Variants in HPSE2 observed in about 807,000 individuals in gnomAD.
The protein encoded by HPSE2 is inactive heparanase-2.
HPSE2 carries 38 observed loss-of-function variants against 60.5 expected under a neutral mutation model. The ratio of observed to expected loss-of-function variants is 0.63; its 90% CI spans 0.48 to 0.82. The LOEUF is 0.82. Among genes scored for constraint, HPSE2 ranks in the 40% least tolerant of loss-of-function variants. The pLI is 0.00. For missense variants in HPSE2, 713 were observed against 740.4 expected (o/e 0.96, Z 0.43); for synonymous variants, 295 against 293.2 (o/e 1.01, Z -0.06).
intron 3 of HPSE2, among the ~76,000 whole-genome samples, chr10:99,020,751 C>T (rs1957243991): frequency 6.6e-6 from 1 of 152,122 alleles, no homozygotes; most frequent in Admixed American, 6.6e-5. Context: ...TCCACCTAGC[C>T]TTTCATGATC....
intron 7 of HPSE2, among the ~76,000 whole-genome samples, chr10:98,633,965 A>C (rs758419000): frequency 6.6e-6 from 1 of 152,204 alleles, no homozygotes. Flanking sequence ...GAAATGTCTG[A>C]AACAAACAGA....
intron 2 of HPSE2, among the ~76,000 whole-genome samples, chr10:99,155,726 T>C (rs1299382538): frequency 6.7e-6 from 1 of 149,916 alleles, no homozygotes; most frequent in African/African-American, 2.5e-5. Context: ...ATTCAAAAGC[T>C]AGCAGAAGGC....
chr10:98,928,692 C>T (rs1272960602), intron 3 of HPSE2, among the ~76,000 whole-genome samples: 1 of 135,832 alleles, frequency 7.4e-6, no homozygotes, highest in East Asian at 2.1e-4. Context: ...TTTGTAGGGA[C>T]ATGGATAAAA....
chr10:99,262,713 G>A, the HPSE2 span, among the ~76,000 whole-genome samples: 7 of 152,060 alleles, frequency 4.6e-5, no homozygotes, highest in Non-Finnish European at 8.8e-5. Context: ...AGTCTTATAG[G>A]TTGGTTCAGG....
intron 2 of HPSE2, among the ~76,000 whole-genome samples, chr10:99,184,209 T>C (rs1242734875): frequency 1.3e-5 from 2 of 151,522 alleles, no homozygotes; most frequent in African/African-American, 2.4e-5. Flanking sequence ...ATGACACAGA[T>C]GGTAGAAAGA....
intron 2 of HPSE2, among the ~76,000 whole-genome samples, chr10:99,196,021 C>T (rs141493385): frequency 5.3e-5 from 8 of 151,900 alleles, no homozygotes; most frequent in Middle Eastern, 3.4e-3. Context: ...CATAGATCAA[C>T]GGACAGAATA....
chr10:98,512,680 A>G (rs1942452645), intron 9 of HPSE2, among the ~76,000 whole-genome samples: 1 of 151,744 alleles, frequency 6.6e-6, no homozygotes, highest in Admixed American at 6.6e-5. Context: ...TTACTGATTC[A>G]CCTTTCTCTA....
rs148907550 is a variant in HPSE2, at chr10:98,790,427, A to T, written c.611-46371T>A. Among the ~76,000 whole-genome samples the T allele has an allele frequency of 1.3e-3, 203 of 152,304 alleles. No homozygotes were observed. The Middle Eastern group carries it at 0.017, about 13-fold the overall frequency. ...ACTGTATGATCTCACTTATATGTGG[A>T]ATCTAAAAAAGTCGATCTCATAGAA... On this transcript the variant is annotated intron_variant, in intron 3 of 11. Coordinates refer to ENST00000370552, the MANE Select transcript of HPSE2 (RefSeq NM_021828.5).
intron 11 of HPSE2, among the ~76,000 whole-genome samples, chr10:98,481,860 A>T (rs1394948156): frequency 6.6e-6 from 1 of 152,168 alleles, no homozygotes; most frequent in African/African-American, 2.4e-5. Context: ...CCTTCCTGAG[A>T]GGCCTCACTC....
At chr10:98,739,474 GA>G (rs774076825) in intron 4 of HPSE2, among the ~76,000 whole-genome samples, 12 of 150,820 alleles carry the variant, frequency 8.0e-5, no homozygotes, top group African/African-American at 2.4e-4. Flanking sequence ...AAGAAAAAAA[GA>G]AAAAAAAGTA....
chr10:98,707,169 A>G (rs1173381436), intron 5 of HPSE2, among the ~76,000 whole-genome samples: 5 of 152,108 alleles, frequency 3.3e-5, no homozygotes, highest in African/African-American at 1.2e-4. Context: ...CCAAAATGTT[A>G]ATTGCAATAA....
intron 3 of HPSE2, among the ~76,000 whole-genome samples, chr10:98,748,699 T>A (rs774275346): frequency 2.6e-5 from 4 of 152,134 alleles, no homozygotes; most frequent in Non-Finnish European, 4.4e-5. Flanking sequence ...GAAAGATGGC[T>A]GAAGAGAAAA....
intron 3 of HPSE2, among the ~76,000 whole-genome samples, chr10:98,988,286 C>T (rs1477159041): frequency 6.6e-6 from 1 of 152,298 alleles, no homozygotes; most frequent in African/African-American, 2.4e-5. Context: ...GCTACTGGTA[C>T]CAAAACAGAG....
chr10:98,769,068 T>C (rs546016818), intron 3 of HPSE2, among the ~76,000 whole-genome samples: 2 of 138,816 alleles, frequency 1.4e-5, no homozygotes, highest in Admixed American at 1.5e-4. Flanking sequence ...ATAATCATAA[T>C]AATAACTTGT....
intron 9 of HPSE2, among the ~76,000 whole-genome samples, chr10:98,581,510 T>C (rs894565068): frequency 4.6e-5 from 7 of 152,138 alleles, no homozygotes; most frequent in African/African-American, 1.7e-4. Context: ...ATATTTTTAC[T>C]ATTAGTTAAC....
At chr10:99,003,755 T>C (rs1956829349) in intron 3 of HPSE2, among the ~76,000 whole-genome samples, 1 of 152,184 alleles carries the variant, frequency 6.6e-6, no homozygotes, top group Non-Finnish European at 1.5e-5. Flanking sequence ...TTGCAAATAT[T>C]TTCTCCCATC....
intron 3 of HPSE2, among the ~76,000 whole-genome samples, chr10:99,113,107 T>C (rs1463555163): frequency 6.6e-6 from 1 of 152,204 alleles, no homozygotes; most frequent in African/African-American, 2.4e-5. Context: ...TTGTAAAGGA[T>C]AGGCAACCCT....
chr10:98,909,075 T>C (rs1300613133), intron 3 of HPSE2, among the ~76,000 whole-genome samples: 2 of 152,150 alleles, frequency 1.3e-5, no homozygotes, highest in South Asian at 2.1e-4. Context: ...CAAGGTAACT[T>C]TGAGGCAACA....
At chr10:98,991,023 C>T (rs1450090868) in intron 3 of HPSE2, among the ~76,000 whole-genome samples, 1 of 152,174 alleles carries the variant, frequency 6.6e-6, no homozygotes, top group Admixed American at 6.5e-5. Flanking sequence ...CATATTCCCA[C>T]CTCCACTTTT....
Sources: gnomAD v4.1 joint callset for allele counts (sites outside exome capture counted in the v4.1 genomes callset) on GRCh38, gnomAD v4.1.1 for gene constraint, MANE v1.5 for transcripts, NCBI Gene and HGNC (gene_info 2026-07-23, HGNC 2026-07-21) for gene names.